CRYBG1: variants seen among roughly 807,000 people sequenced by gnomAD.
CRYBG1 encodes crystallin beta-gamma domain containing 1.
Under a neutral mutation model 189.2 loss-of-function variants are expected in CRYBG1, and 139 were observed. The observed-to-expected ratio is 0.73, with a 90% CI of 0.64 to 0.85. CRYBG1 has a LOEUF of 0.85. Ranked by LOEUF, CRYBG1 falls within the 40% of genes least tolerant of loss-of-function variation. The probability of loss-of-function intolerance (pLI) is 0.00; values close to 1 mark genes in which losing one functional copy is unlikely to be tolerated. For missense variants in CRYBG1, 2,611 were observed against 2,675.8 expected, an observed-to-expected ratio of 0.98 and a Z score of 0.53; for synonymous variants, 1,023 against 1,017.1, an observed-to-expected ratio of 1.01 and a Z score of -0.11.
intron 2 of CRYBG1, among the ~76,000 whole-genome samples, chr6:106,483,382 A>ATATATATATATATATATATATATATATG (rs1772512176): frequency 8.9e-6 from 1 of 112,460 alleles, no homozygotes; most frequent in Non-Finnish European, 2.0e-5. Context: ...GTGTGTGTAT[A>ATATATATATATATATATATATATATATG]TATATATAGA....
intron 1 of CRYBG1, among the ~76,000 whole-genome samples, chr6:106,375,416 AGT>A (rs1491284100): frequency 4.1e-4 from 50 of 122,962 alleles, no homozygotes; most frequent in Admixed American, 1.8e-3. Flanking sequence ...TAAGTAAGTA[AGT>A]AAGTAAATAA....
At chr6:106,499,602 A>G (rs1772957149) in intron 2 of CRYBG1, among the ~76,000 whole-genome samples, 1 of 152,166 alleles carries the variant, frequency 6.6e-6, no homozygotes, top group Non-Finnish European at 1.5e-5. Context: ...TGTTGTATAC[A>G]TGGATGTATA....
chr6:106,455,782 G>A (rs776268602), intron 2 of CRYBG1, among the ~76,000 whole-genome samples: 2 of 151,802 alleles, frequency 1.3e-5, no homozygotes, highest in Non-Finnish European at 2.9e-5. Context: ...TGCTTTAACC[G>A]TTTGGATCTT....
Position 106,505,209 on chromosome 6 carries a change from C to T in CRYBG1, c.313-6221C>T, listed in dbSNP as rs184889406. Among the ~76,000 whole-genome samples the T allele has an allele frequency of 4.6e-4, 70 of 152,180 alleles. No individual in the cohort carries two copies. In the East Asian group the frequency reaches 0.012, roughly 27 times the overall value. ...TCCCGGGTTCAAGCAATTCTCTTGCCTCAGCCTCCCAAGTAGCTGGGACTA... is the reference window on the plus strand; with the variant it reads ...TCCCGGGTTCAAGCAATTCTCTTGCTTCAGCCTCCCAAGTAGCTGGGACTA... On this transcript the variant is annotated intron_variant, in intron 2 of 21. Coordinates refer to ENST00000633556, the MANE Select transcript of CRYBG1 (RefSeq NM_001371242.2).
At chr6:106,491,464 G>C (rs1326401030) in intron 2 of CRYBG1, among the ~76,000 whole-genome samples, 1 of 152,118 alleles carries the variant, frequency 6.6e-6, no homozygotes, top group African/African-American at 2.4e-5. Context: ...AAACCTACAT[G>C]GTTTGTGGCC....
In CRYBG1 at chr6:106,511,695, C is replaced by G; in HGVS notation, c.578C>G (p.Ala193Gly). 1.3e-6 allele frequency: 2 copies of G among 1,535,590 alleles called. No homozygotes were observed. The highest frequency in any genetic ancestry group is 1.7e-6 in the Non-Finnish European group (2 of 1,146,650). The change falls in exon 3 of 22, where the codon GCA becomes GGA. Residue 193 changes from alanine (A) to glycine (G), a missense_variant. Ala to Gly is a moderately conservative substitution (Grantham distance 60). Transcript: ENST00000633556. ...TCCCCGCGGGAGAATCCCCGAGAGG[C>G]AGAGGGCGAGCTCCCCGAGAGCGGT... is the stretch of plus-strand genomic sequence containing the variant. ...EGSPRENPRE[A>G]EGELPESGGP...
intron 2 of CRYBG1, among the ~76,000 whole-genome samples, chr6:106,464,859 G>A (rs1056063982): frequency 6.6e-6 from 1 of 152,008 alleles, no homozygotes; most frequent in Non-Finnish European, 1.5e-5. Context: ...TCAAAATATT[G>A]AATTTGTTCA....
At chr6:106,389,150 C>CT (rs984123149) in intron 1 of CRYBG1, among the ~76,000 whole-genome samples, 11 of 151,640 alleles carry the variant, frequency 7.3e-5, no homozygotes, top group South Asian at 2.1e-4. Flanking sequence ...TTTTGTAAAT[C>CT]TTTTTTTTAG....
chr6:106,555,875 A>T lies in CRYBG1; in HGVS notation c.5693A>T (p.Lys1898Met). The change falls in exon 17 of 22, where the codon AAG (lysine) becomes ATG (methionine). Residue 1898 changes from lysine to methionine, a missense_variant. By Grantham distance (95) the Lys-to-Met change is moderately conservative (BLOSUM62 -1). Around this residue, in one of 3 missense-constraint regions of CRYBG1, gnomAD observed 1,622 missense variants for 1,735.0 expected, o/e 0.93. Coordinates refer to ENST00000633556, the MANE Select transcript of CRYBG1 (RefSeq NM_001371242.2). ...GGATGCCCGCCTGGAGCAACTTTCAAGTCTCTTCGTTTTATAGATGTTGTA... is the reference window on the plus strand; with the variant it reads ...GGATGCCCGCCTGGAGCAACTTTCATGTCTCTTCGTTTTATAGATGTTGTA... Reference protein sequence around the residue: ...AMGCPPGATFKSLRFIDVEFS... With the variant: ...AMGCPPGATFMSLRFIDVEFS... The T allele has an allele frequency of 6.2e-7, 1 of 1,614,178 alleles. No individual in the cohort carries two copies. Among genetic ancestry groups the T allele is most frequent in the Non-Finnish European group, 8.5e-7 (1 of 1,180,002 alleles).
chr6:106,513,863 T>C (rs1301799299), intron 3 of CRYBG1, among the ~76,000 whole-genome samples: 1 of 152,260 alleles, frequency 6.6e-6, no homozygotes, highest in Non-Finnish European at 1.5e-5. Context: ...TGTGACTACT[T>C]GCTGTTAAGT....
chr6:106,557,584 T>G, intron 17 of CRYBG1, among the ~76,000 whole-genome samples: 1 of 151,516 alleles, frequency 6.6e-6, no homozygotes, highest in East Asian at 1.9e-4. Flanking sequence ...CTAATTTTTT[T>G]GTGTTTGTTT....
At chr6:106,437,233 AT>A (rs1350169526) in intron 1 of CRYBG1, among the ~76,000 whole-genome samples, 3 of 151,934 alleles carry the variant, frequency 2.0e-5, no homozygotes, top group Non-Finnish European at 4.4e-5. Flanking sequence ...TATTTTTTTC[AT>A]TTCCCTTGTT....
At chr6:106,499,449 C>T (rs546973117) in intron 2 of CRYBG1, among the ~76,000 whole-genome samples, 156 of 151,116 alleles carry the variant, frequency 1.0e-3, no homozygotes, top group African/African-American at 3.7e-3. Flanking sequence ...AGTGAGCCAC[C>T]GCACCCAGCC....
At chr6:106,411,739 A>G (rs2114372525) in intron 1 of CRYBG1, among the ~76,000 whole-genome samples, 1 of 152,294 alleles carries the variant, frequency 6.6e-6, no homozygotes, top group Middle Eastern at 3.4e-3. Context: ...AACCCTCAAA[A>G]CAAGGGAAGC....
rs1240214834 is a variant in CRYBG1, at chr6:106,360,793, G to A, written c.-116G>A. The A allele has an allele frequency of 1.5e-5, 19 of 1,254,178 alleles. No individual in the cohort carries two copies. Among genetic ancestry groups the A allele is most frequent in the Admixed American group, 3.1e-5 (1 of 32,234 alleles). 77.7% of individuals were successfully genotyped at this position (1,254,178 alleles called of 1,614,324 possible). A position where few individuals can be genotyped will look rare whatever the true frequency, so the allele number is the denominator to read the frequency against. ...CCCGCATCCGCGACGAGGGGGCGGG[G>A]TCCCACGGCGCGCTGAGAAAGGCGG... On this transcript the variant is annotated 5_prime_UTR_variant, in exon 1 of 22. Transcript: ENST00000633556.
intron 1 of CRYBG1, among the ~76,000 whole-genome samples, chr6:106,369,762 A>G (rs940067857): frequency 1.3e-5 from 2 of 152,246 alleles, no homozygotes; most frequent in African/African-American, 4.8e-5. Flanking sequence ...TATGTATCAG[A>G]CACTGTTCTA....
Position 106,461,510 on chromosome 6 carries a change from A to G in CRYBG1, c.312+9678A>G, listed in dbSNP as rs115535776. 4.8e-3 allele frequency among the ~76,000 whole-genome samples: 738 copies of G among 152,286 alleles called. 9 individuals carry two copies. Among genetic ancestry groups the G allele is most frequent in the African/African-American group, 0.016 (683 of 41,542 alleles). On this transcript the variant is annotated intron_variant, in intron 2 of 21. Coordinates refer to ENST00000633556, the MANE Select transcript of CRYBG1 (RefSeq NM_001371242.2). Reference sequence around the variant, plus strand: ...GCCATTGAGAGAGGATCTTATCATCATTTTGACTGGAGAGATGAAAACTTG... The same window carrying G: ...GCCATTGAGAGAGGATCTTATCATCGTTTTGACTGGAGAGATGAAAACTTG...
chr6:106,377,645 A>ATATATATATATATATATATT (rs1562290483), intron 1 of CRYBG1, among the ~76,000 whole-genome samples: 6 of 136,846 alleles, frequency 4.4e-5, no homozygotes, highest in African/African-American at 1.6e-4. Context: ...ATATATATAT[A>ATATATATATATATATATATT]TATTTTCATT....
chr6:106,469,356 G>C lies in CRYBG1; in HGVS notation c.312+17524G>C, dbSNP rs540986519. Among the ~76,000 whole-genome samples, 17 of 152,236 alleles carry C rather than the reference G, an allele frequency of 1.1e-4. No homozygotes were observed. The East Asian group carries it at 3.1e-3, about 28-fold the overall frequency. ...CTGTACGATGTTTTCCTGCTTGCTTGTTGTCTTTCTCTTCTACAATATAAA... is the reference window on the plus strand; with the variant it reads ...CTGTACGATGTTTTCCTGCTTGCTTCTTGTCTTTCTCTTCTACAATATAAA... On this transcript the variant is annotated intron_variant, in intron 2 of 21. Transcript: ENST00000633556.
Sources: gnomAD v4.1 joint callset for allele counts (sites outside exome capture counted in the v4.1 genomes callset) on GRCh38, gnomAD v4.1.1 for gene constraint, gnomAD v4.1.1 regional missense constraint, MANE v1.5 for transcripts, NCBI Gene and HGNC (gene_info 2026-07-23, HGNC 2026-07-21) for gene names.